Variants in AKT1 observed in about 807,000 individuals in gnomAD.
AKT1 encodes the protein AKT serine/threonine kinase 1.
AKT1 carries 21 observed loss-of-function variants against 63.1 expected under a neutral mutation model. The observed-to-expected ratio is 0.33, with a 90% CI of 0.24 to 0.48. AKT1 has a LOEUF of 0.48. AKT1 is among the 20% of genes least tolerant of loss of function. The pLI, the probability that AKT1 is intolerant of heterozygous loss-of-function variation, is 0.99. For missense variants in AKT1, 382 were observed against 666.0 expected (o/e 0.57, Z 4.69); for synonymous variants, 257 against 253.1 (o/e 1.02, Z -0.15).
In AKT1 at chr14:104,775,323, A is replaced by G. The variant is rs17846812; in HGVS notation, c.436-116T>C. ...GGAGGCAGAGCCAGGAGAGGCGTCCACTTCACACCTGGTGGCCTACTGGGC... is the reference window on the plus strand; with the variant it reads ...GGAGGCAGAGCCAGGAGAGGCGTCCGCTTCACACCTGGTGGCCTACTGGGC... On this transcript the variant is annotated intron_variant, in intron 6 of 14. Transcript: ENST00000649815. 447 of 1,532,614 alleles carry G rather than the reference A, an allele frequency of 2.9e-4. 5 individuals are homozygous for G. In the East Asian group the frequency reaches 5.4e-3, roughly 19 times the overall value. The allele number at this position is 1,532,614 out of a possible 1,614,324, so 94.9% of individuals were successfully genotyped here. A position where few individuals can be genotyped will look rare whatever the true frequency, so the allele number is the denominator to read the frequency against.
At chr14:104,773,433 C>CCCTG (rs1566816614) in intron 10 of AKT1, 22 bp downstream of exon 10, 1 of 1,613,934 alleles carries the variant, frequency 6.2e-7, no homozygotes, top group East Asian at 2.2e-5. Flanking sequence ...GGCCCTGCCC[C>CCCTG]CCTGCCTGCC....
chr14:104,786,060 G>A (rs1287161236), intron 3 of AKT1, among the ~76,000 whole-genome samples: 1 of 151,948 alleles, frequency 6.6e-6, no homozygotes, highest in East Asian at 1.9e-4. Flanking sequence ...ATCCATCGCA[G>A]AGCCCAGCAC....
chr14:104,774,035 A>G, intron 8 of AKT1, 55 bp from the exon 9 acceptor site: 2 of 1,542,390 alleles, frequency 1.3e-6, no homozygotes, highest in Non-Finnish European at 1.8e-6. Flanking sequence ...GCAGCCCCGC[A>G]CCACGCTGCC....
Position 104,770,654 on chromosome 14 carries a change from A to G in AKT1, c.1363+91T>C. The G allele has an allele frequency of 2.4e-6, 3 of 1,269,412 alleles. No homozygotes were observed. In the South Asian group the frequency reaches 3.8e-5, roughly 16 times the overall value. 78.6% of individuals were successfully genotyped at this position (1,269,412 alleles called of 1,614,324 possible). ...AACCTTTTTAAATATTTAGATTTTA[A>G]AACATCTGAAGCCAAAAAAGCTGAA... On this transcript the variant is annotated intron_variant, in intron 14 of 14. Coordinates refer to ENST00000649815, the MANE Select transcript of AKT1 (RefSeq NM_001382430.1).
chr14:104,772,638 A>T (rs894107812), intron 12 of AKT1, among the ~76,000 whole-genome samples, 186 bp from the exon 13 acceptor site: 1 of 152,168 alleles, frequency 6.6e-6, no homozygotes, highest in Admixed American at 6.5e-5. Context: ...ACGGCAGGGC[A>T]GGGGCTTCCT....
chr14:104,776,149 C>T (rs1355790374), intron 5 of AKT1: 5 of 243,770 alleles, frequency 2.1e-5, no homozygotes, highest in Admixed American at 5.3e-5. Context: ...CCCTCTCCAC[C>T]GGGTTTTTCT....
At chr14:104,776,415 G>A (rs753174416) in intron 5 of AKT1, 5 of 438,270 alleles carry the variant, frequency 1.1e-5, no homozygotes, top group East Asian at 4.0e-5. Flanking sequence ...CCAAAGTGCC[G>A]AGATTATAGA....
Position 104,769,976 on chromosome 14 carries a change from G to A in AKT1, c.*365C>T, listed in dbSNP as rs929182608. 2.3e-5 allele frequency: 10 copies of A among 431,140 alleles called. No individual in the cohort carries two copies. The highest frequency in any genetic ancestry group is 6.6e-4 in the Middle Eastern group (1 of 1,526). 26.7% of individuals were successfully genotyped at this position (431,140 alleles called of 1,614,324 possible). The stretch of plus-strand genomic sequence containing the variant: ...TAGCTGGTGACAGACAGCCCAGGGC[G>A]GCTGGCTGACAGAGTGAGGGGACAC... On this transcript the variant is annotated 3_prime_UTR_variant, in exon 15 of 15. Transcript: ENST00000649815.
chr14:104,770,543 CTG>C (rs1194309220), intron 14 of AKT1, 123 bp from the exon 15 acceptor site: 4 of 1,085,996 alleles, frequency 3.7e-6, no homozygotes, highest in South Asian at 1.6e-5. Flanking sequence ...TGCCAGGAAA[CTG>C]AGACAGGGCC....
At chr14:104,788,478 T>C (rs981884457) in intron 3 of AKT1, among the ~76,000 whole-genome samples, 8 of 152,146 alleles carry the variant, frequency 5.3e-5, no homozygotes, top group African/African-American at 1.4e-4. Flanking sequence ...CAAGGGTGTT[T>C]ACTCAGCAAA....
Position 104,793,867 on chromosome 14 carries a change from G to A in AKT1, c.-257-563C>T, listed in dbSNP as rs1360070588. 4 of 152,234 alleles carry A rather than the reference G, an allele frequency of 2.6e-5. No individual in the cohort carries two copies. The East Asian group carries it at 5.8e-4, about 22-fold the overall frequency. The allele number at this position is 152,234 out of a possible 1,614,324, so 9.4% of individuals were successfully genotyped here. A position where few individuals can be genotyped will look rare whatever the true frequency, so the allele number is the denominator to read the frequency against. ...CCTTCCAGATGGGCCTTCCTGAGGG[G>A]AGGAGGGTCCTCTCTGGGACCTCCA... On this transcript the variant is annotated intron_variant, in intron 1 of 14. Transcript: ENST00000649815.
intron 1 of AKT1, chr14:104,793,749 G>A (rs1339839042): frequency 6.5e-6 from 1 of 154,304 alleles, no homozygotes; most frequent in Non-Finnish European, 1.4e-5. Flanking sequence ...GAACTCCTAG[G>A]CATCCCTCAA....
chr14:104,779,944 G>C (rs1892941512), intron 4 of AKT1, 144 bp downstream of exon 4: 4 of 1,253,172 alleles, frequency 3.2e-6, no homozygotes. Flanking sequence ...ACTCGGCCCA[G>C]AGACCCCCAC....
intron 3 of AKT1, among the ~76,000 whole-genome samples, chr14:104,788,773 T>C (rs1220642295): frequency 1.3e-5 from 2 of 152,076 alleles, no homozygotes; most frequent in African/African-American, 4.8e-5. Flanking sequence ...CCAGCCTCCA[T>C]ACTCCCCACC....
Position 104,770,216 on chromosome 14 carries a change from G to T in AKT1, c.*125C>A. ...AGCACAAAAACGTCTTTCCATCTGG[G>T]CTCGAGAGGACAGCGTGGCTTCTCT... On this transcript the variant is annotated 3_prime_UTR_variant, in exon 15 of 15. Coordinates refer to ENST00000649815, the MANE Select transcript of AKT1 (RefSeq NM_001382430.1). 2 of 1,072,838 alleles carry T rather than the reference G, an allele frequency of 1.9e-6. No individual in the cohort carries two copies. Among genetic ancestry groups the T allele is most frequent in the Middle Eastern group, 2.0e-4 (1 of 5,072 alleles). The allele number at this position is 1,072,838 out of a possible 1,614,324, so 66.5% of individuals were successfully genotyped here.
At chr14:104,791,447 CCTT>C (rs1459815827) in intron 3 of AKT1, among the ~76,000 whole-genome samples, 1 of 152,104 alleles carries the variant, frequency 6.6e-6, no homozygotes, top group Non-Finnish European at 1.5e-5. Context: ...TCTGCAGCCT[CCTT>C]GTCTTCATCT....
chr14:104,778,826 G>C (rs1892870289), intron 4 of AKT1, among the ~76,000 whole-genome samples: 1 of 152,222 alleles, frequency 6.6e-6, no homozygotes, highest in Non-Finnish European at 1.5e-5. Flanking sequence ...GCTACTTGGA[G>C]GGGAGGGGCC....
intron 8 of AKT1, chr14:104,774,286 GC>G (rs2140912770): frequency 4.4e-6 from 2 of 458,210 alleles, no homozygotes; most frequent in Non-Finnish European, 4.1e-6. Context: ...ATCAGGCTGG[GC>G]CCCGGCAGCC....
At chr14:104,776,811 C>T (rs369750627) in intron 4 of AKT1, 41 bp from the exon 5 acceptor site, 6 of 1,571,744 alleles carry the variant, frequency 3.8e-6, no homozygotes, top group Middle Eastern at 1.7e-4. Context: ...CATCCCCCTG[C>T]CCCTCCCAGG....
Sources: allele counts gnomAD v4.1 joint callset (sites outside exome capture counted in the v4.1 genomes callset), GRCh38; gene constraint gnomAD v4.1.1; transcripts MANE v1.5; gene names NCBI Gene and HGNC (gene_info 2026-07-23, HGNC 2026-07-21).